The following GRM7 variants were observed in gnomAD, a reference collection of about 807,000 sequenced individuals.
GRM7 encodes the protein metabotropic glutamate receptor 7.
GRM7 carries 35 observed loss-of-function variants against 84.5 expected under a neutral mutation model. The ratio of observed to expected loss-of-function variants is 0.41; its 90% CI spans 0.32 to 0.55. The LOEUF (loss-of-function observed/expected upper bound fraction) is 0.55. Among genes scored for constraint, GRM7 ranks in the 20% least tolerant of loss-of-function variants. GRM7 has a pLI of 0.19. For synonymous variants in GRM7, 487 were observed against 455.1 expected (o/e 1.07, Z -0.89); for missense variants, 1,003 against 1,194.6 (o/e 0.84, Z 2.36).
chr3:6,864,747 G>C (rs1237209234), intron 1 of GRM7, among the ~76,000 whole-genome samples: 1 of 152,170 alleles, frequency 6.6e-6, no homozygotes, highest in Non-Finnish European at 1.5e-5. Context: ...AATGGGGGGT[G>C]CTGAGCACTG....
At chr3:7,638,691 T>C (rs1389253709) in intron 8 of GRM7, among the ~76,000 whole-genome samples, 2 of 152,232 alleles carry the variant, frequency 1.3e-5, no homozygotes, top group African/African-American at 4.8e-5. Flanking sequence ...CAGGGTATGC[T>C]CTTAGAAGAA....
chr3:7,737,786 C>T lies in GRM7; in HGVS notation c.2699-2571C>T, dbSNP rs753169932. On this transcript the variant is annotated intron_variant, in intron 9 of 9. Coordinates refer to ENST00000357716, the MANE Select transcript of GRM7 (RefSeq NM_000844.4). ...ATACATTATATTCCCAGATGAGAAA[C>T]GGGTATTTTGTACATTGGTGATATC... is the stretch of plus-strand genomic sequence containing the variant. 7.9e-5 allele frequency among the ~76,000 whole-genome samples: 12 copies of T among 151,348 alleles called. No individual in the cohort carries two copies. The South Asian group carries it at 1.0e-3, about 13-fold the overall frequency.
chr3:7,196,648 T>C (rs1373242321), intron 2 of GRM7, among the ~76,000 whole-genome samples: 1 of 152,168 alleles, frequency 6.6e-6, no homozygotes, highest in Non-Finnish European at 1.5e-5. Context: ...TAGATGGCGT[T>C]TCTTTAGTGA....
chr3:7,112,468 C>T (rs1692891811), intron 1 of GRM7, among the ~76,000 whole-genome samples: 1 of 152,138 alleles, frequency 6.6e-6, no homozygotes, highest in Non-Finnish European at 1.5e-5. Context: ...TTGTGATCTG[C>T]CTGCTTCGGC....
rs569607070 is a variant in GRM7, at chr3:7,195,743, C to T, written c.736+49075C>T. Among the ~76,000 whole-genome samples, 7 of 152,050 alleles carry T rather than the reference C, an allele frequency of 4.6e-5. No homozygotes were observed. In the South Asian group the frequency reaches 6.2e-4, roughly 14 times the overall value. On this transcript the variant is annotated intron_variant, in intron 2 of 9. Transcript: ENST00000357716. ...ATAGACTTTGGGGAGGCTGTGAATCCGGTAGTCCATTTTAGAAGTCCATAC... is the reference window on the plus strand; with the variant it reads ...ATAGACTTTGGGGAGGCTGTGAATCTGGTAGTCCATTTTAGAAGTCCATAC...
At chr3:6,903,024 T>G (rs960208733) in intron 1 of GRM7, among the ~76,000 whole-genome samples, 3 of 152,144 alleles carry the variant, frequency 2.0e-5, no homozygotes, top group African/African-American at 7.2e-5. Context: ...TGATTTCTAT[T>G]TGCTTTCTTT....
intron 2 of GRM7, among the ~76,000 whole-genome samples, chr3:7,194,060 T>C (rs1394625700): frequency 6.6e-6 from 1 of 152,166 alleles, no homozygotes; most frequent in African/African-American, 2.4e-5. Context: ...AGACATGCTC[T>C]CTTTACACAT....
intron 7 of GRM7, among the ~76,000 whole-genome samples, chr3:7,572,688 G>T (rs1265088134): frequency 1.3e-5 from 2 of 150,420 alleles, no homozygotes; most frequent in Non-Finnish European, 3.0e-5. Context: ...CAGGCATGGG[G>T]GCGGGTGCCT....
intron 8 of GRM7, among the ~76,000 whole-genome samples, chr3:7,598,546 A>C (rs559854879): frequency 1.7e-4 from 26 of 152,362 alleles, no homozygotes; most frequent in South Asian, 1.7e-3. Context: ...AGTTATCATG[A>C]AAGAAATCTC....
intron 1 of GRM7, among the ~76,000 whole-genome samples, chr3:7,065,431 A>G (rs906441291): frequency 3.3e-5 from 5 of 151,838 alleles, no homozygotes; most frequent in Non-Finnish European, 7.4e-5. Flanking sequence ...TCCCAGCACC[A>G]TTTGTTGAAA....
At chr3:7,335,278 A>C (rs1219001772) in intron 4 of GRM7, among the ~76,000 whole-genome samples, 1 of 152,082 alleles carries the variant, frequency 6.6e-6, no homozygotes, top group East Asian at 1.9e-4. Context: ...AACTATGCAA[A>C]TTATGCAAAT....
intron 7 of GRM7, among the ~76,000 whole-genome samples, chr3:7,572,966 C>CTGAAT (rs1192618884): frequency 6.8e-6 from 1 of 146,214 alleles, no homozygotes; most frequent in Non-Finnish European, 1.5e-5. Context: ...TAAGTGGAAT[C>CTGAAT]TGAATTGGCA....
chr3:6,965,125 T>C (rs1311006828), intron 1 of GRM7, among the ~76,000 whole-genome samples: 1 of 152,036 alleles, frequency 6.6e-6, no homozygotes, highest in Non-Finnish European at 1.5e-5. Context: ...AAATAAATGA[T>C]GAGCAAAAAG....
At chr3:7,403,363 G>A (rs981021579) in intron 4 of GRM7, among the ~76,000 whole-genome samples, 10 of 151,436 alleles carry the variant, frequency 6.6e-5, no homozygotes, top group African/African-American at 2.4e-4. Flanking sequence ...ATAATTGTAT[G>A]TATTGTAATA....
At chr3:7,201,284 C>G (rs531194693) in intron 2 of GRM7, among the ~76,000 whole-genome samples, 13 of 152,120 alleles carry the variant, frequency 8.5e-5, no homozygotes, top group Non-Finnish European at 1.6e-4. Flanking sequence ...AGAAAAAACA[C>G]ATTTAATTTT....
In GRM7 at chr3:6,928,941, G is replaced by T. The variant is rs907661609; in HGVS notation, c.519+67034G>T. On this transcript the variant is annotated intron_variant, in intron 1 of 9. Transcript: ENST00000357716. This position sits in a 1 kb window ranked among gnomAD's most constrained non-coding sequence, Gnocchi z 4.5. ...TCGGCAGTTTTGATTAGATGCCTTG[G>T]GTCAGTGCTTAGTTAATATCTTGCA... Among the ~76,000 whole-genome samples the T allele has an allele frequency of 6.6e-6, 1 of 152,010 alleles. No homozygotes were observed. Among genetic ancestry groups the T allele is most frequent in the Non-Finnish European group, 1.5e-5 (1 of 68,004 alleles).
At chr3:7,539,537 A>G (rs1692750650) in intron 7 of GRM7, among the ~76,000 whole-genome samples, 1 of 151,936 alleles carries the variant, frequency 6.6e-6, no homozygotes, top group African/African-American at 2.4e-5. Flanking sequence ...TTATCCAGGC[A>G]TGGTGGCAGG....
intron 8 of GRM7, among the ~76,000 whole-genome samples, chr3:7,613,153 C>G (rs980947699): frequency 1.3e-5 from 2 of 151,906 alleles, no homozygotes; most frequent in African/African-American, 4.8e-5. Flanking sequence ...TTCTACTTGT[C>G]TCACTTAGTC....
chr3:7,336,434 G>C (rs77259569), intron 4 of GRM7, among the ~76,000 whole-genome samples: 2 of 151,902 alleles, frequency 1.3e-5, no homozygotes, highest in Non-Finnish European at 2.9e-5. Context: ...ACAGTCAACA[G>C]TATACAGAAT....
Sources: allele counts gnomAD v4.1 joint callset (sites outside exome capture counted in the v4.1 genomes callset), GRCh38; gene constraint gnomAD v4.1.1; non-coding constraint Gnocchi (gnomAD v3.1); transcripts MANE v1.5; gene names NCBI Gene and HGNC (gene_info 2026-07-23, HGNC 2026-07-21).